GFRA1: variants seen among roughly 807,000 people sequenced by gnomAD.
GFRA1 encodes the protein GDNF family receptor alpha 1.
Under a neutral mutation model 51.6 loss-of-function variants are expected in GFRA1, and 16 were observed. That is an observed-to-expected ratio of 0.31 (90% CI 0.21 to 0.47). The LOEUF is 0.47. GFRA1 is among the 20% of genes least tolerant of loss of function. GFRA1 has a pLI of 1.00. For missense variants in GFRA1, 530 were observed against 594.3 expected (o/e 0.89, Z 1.13); for synonymous variants, 270 against 241.3 (o/e 1.12, Z -1.10).
At chr10:116,260,534 T>C (rs2134756143) in intron 4 of GFRA1, among the ~76,000 whole-genome samples, 1 of 152,322 alleles carries the variant, frequency 6.6e-6, no homozygotes, top group South Asian at 2.1e-4. Flanking sequence ...TTTTTATTTT[T>C]ACAACAGCCT....
At chr10:116,103,255 C>T (rs1019277239) in intron 6 of GFRA1, among the ~76,000 whole-genome samples, 17 of 152,194 alleles carry the variant, frequency 1.1e-4, no homozygotes, top group African/African-American at 3.9e-4. Context: ...ACCCAGAACC[C>T]AGAATACACC....
At chr10:116,264,414 GA>G (rs10713969) in intron 4 of GFRA1, among the ~76,000 whole-genome samples, 151,252 of 152,320 alleles carry the variant, frequency 0.99, 75,104 homozygotes, top group East Asian at 1. Flanking sequence ...TCAGGATCAA[GA>G]AAAGATGCTT....
At chr10:116,124,522 C>T (rs945295375) in intron 6 of GFRA1, among the ~76,000 whole-genome samples, 2 of 152,216 alleles carry the variant, frequency 1.3e-5, no homozygotes, top group Non-Finnish European at 2.9e-5. Flanking sequence ...TGAGCCACCA[C>T]ACCCGGCCAG....
intron 6 of GFRA1, among the ~76,000 whole-genome samples, chr10:116,100,984 G>A (rs1434715928): frequency 6.6e-6 from 1 of 152,198 alleles, no homozygotes; most frequent in East Asian, 1.9e-4. Flanking sequence ...GGTTTACCAG[G>A]AAGATAATGA....
At chr10:116,207,624 A>ATG (rs1342474842) in intron 5 of GFRA1, among the ~76,000 whole-genome samples, 2 of 152,176 alleles carry the variant, frequency 1.3e-5, no homozygotes, top group African/African-American at 4.8e-5. Flanking sequence ...TGATATATAT[A>ATG]TATCATATGC....
chr10:116,067,761 G>A (rs1229488383), intron 9 of GFRA1, among the ~76,000 whole-genome samples: 2 of 152,142 alleles, frequency 1.3e-5, no homozygotes, highest in Admixed American at 1.3e-4. Flanking sequence ...ATTAGTCACG[G>A]AGGGTTTCAC....
intron 5 of GFRA1, among the ~76,000 whole-genome samples, chr10:116,145,758 T>C (rs1468097746): frequency 1.3e-5 from 2 of 152,182 alleles, no homozygotes; most frequent in Non-Finnish European, 2.9e-5. Context: ...AAGATTTTTA[T>C]TGTACATTAT....
rs563606754 is a variant in GFRA1, at chr10:116,235,715, G to A, written c.419-24070C>T. On this transcript the variant is annotated intron_variant, in intron 4 of 10. Coordinates refer to ENST00000355422, the MANE Select transcript of GFRA1 (RefSeq NM_005264.8). Reference sequence around the variant, plus strand: ...CCCCAATGTGATGGTATTTGGAAGTGGAGCCTTTCGGCAGTAATTAGAGTT... The same window carrying A: ...CCCCAATGTGATGGTATTTGGAAGTAGAGCCTTTCGGCAGTAATTAGAGTT... Among the ~76,000 whole-genome samples the A allele has an allele frequency of 1.6e-4, 25 of 152,266 alleles. No homozygotes were observed. In the East Asian group the frequency reaches 2.9e-3, roughly 18 times the overall value.
chr10:116,254,112 G>A (rs989155347), intron 4 of GFRA1, among the ~76,000 whole-genome samples: 1 of 151,926 alleles, frequency 6.6e-6, no homozygotes, highest in African/African-American at 2.4e-5. Flanking sequence ...CCTGAGGTCA[G>A]GAGTTTGAGA....
chr10:116,244,917 G>A (rs1287798697), intron 4 of GFRA1, among the ~76,000 whole-genome samples: 2 of 152,086 alleles, frequency 1.3e-5, no homozygotes. Context: ...AAATACCAGT[G>A]AAATCAGTAA....
intron 4 of GFRA1, among the ~76,000 whole-genome samples, chr10:116,248,909 G>A (rs1489293522): frequency 2.0e-5 from 3 of 152,158 alleles, no homozygotes; most frequent in Non-Finnish European, 4.4e-5. Flanking sequence ...CTGCCACGGT[G>A]AATTCCAAGA....
chr10:116,253,383 G>A (rs1589914137), intron 4 of GFRA1, among the ~76,000 whole-genome samples: 1 of 152,176 alleles, frequency 6.6e-6, no homozygotes, highest in East Asian at 1.9e-4. Flanking sequence ...CAAGATGGGT[G>A]AATCATTTGA....
At chr10:116,135,135 A>G (rs1958268470) in intron 5 of GFRA1, among the ~76,000 whole-genome samples, 1 of 152,194 alleles carries the variant, frequency 6.6e-6, no homozygotes, top group Admixed American at 6.5e-5. Context: ...GGTAAGGTGT[A>G]GTGCCTCATT....
intron 4 of GFRA1, among the ~76,000 whole-genome samples, chr10:116,229,195 G>A (rs911638747): frequency 6.6e-6 from 1 of 152,008 alleles, no homozygotes; most frequent in Admixed American, 6.6e-5. Context: ...AGGGTAATTT[G>A]TTGCAGAAGC....
rs1969669027 is a variant in GFRA1, at chr10:116,266,514, C to G, written c.418+2989G>C. Among the ~76,000 whole-genome samples the G allele has an allele frequency of 2.0e-5, 3 of 152,238 alleles. No individual in the cohort carries two copies. In the South Asian group the frequency reaches 6.2e-4, roughly 32 times the overall value. On this transcript the variant is annotated intron_variant, in intron 4 of 10. Transcript: ENST00000355422. The stretch of plus-strand genomic sequence containing the variant: ...GCTTTACTATCCCACTTAAGGAACA[C>G]AGTCACTGTCAGAGGTCAAATCACA...
At chr10:116,123,260 A>G (rs1957720693) in intron 6 of GFRA1, among the ~76,000 whole-genome samples, 1 of 152,204 alleles carries the variant, frequency 6.6e-6, no homozygotes, top group Admixed American at 6.5e-5. Context: ...GAGGGCCTCA[A>G]TGAAACAGGG....
At position 116,257,744 on chromosome 10, in the gene GFRA1, G is replaced by A. The variant is rs546894280; in HGVS notation, c.418+11759C>T. On this transcript the variant is annotated intron_variant, in intron 4 of 10. Transcript: ENST00000355422. ...ACCTACTAAAATGGCAATTTCATGC[G>A]ATTCAATCTAAAAATTTCAGCAATG... is the stretch of plus-strand genomic sequence containing the variant. 5.3e-5 allele frequency among the ~76,000 whole-genome samples: 8 copies of A among 152,250 alleles called. No homozygotes were observed. The East Asian group carries it at 1.4e-3, about 26-fold the overall frequency.
intron 9 of GFRA1, among the ~76,000 whole-genome samples, chr10:116,075,211 T>C (rs1210544308): frequency 6.6e-6 from 1 of 151,856 alleles, no homozygotes; most frequent in Non-Finnish European, 1.5e-5. Context: ...TTGAGAATAG[T>C]GGTTTAAAAA....
At chr10:116,094,077 T>G (rs1055877596) in intron 7 of GFRA1, among the ~76,000 whole-genome samples, 14 of 152,212 alleles carry the variant, frequency 9.2e-5, no homozygotes, top group African/African-American at 3.4e-4. Flanking sequence ...CTTAGGGTAT[T>G]CCTTCCTGCA....
Sources: gnomAD v4.1 joint callset for allele counts (sites outside exome capture counted in the v4.1 genomes callset) on GRCh38, gnomAD v4.1.1 for gene constraint, MANE v1.5 for transcripts, NCBI Gene and HGNC (gene_info 2026-07-23, HGNC 2026-07-21) for gene names.